Variants in AOC3 observed in about 807,000 individuals in gnomAD.
AOC3 encodes amine oxidase copper containing 3.
Under a neutral mutation model 55.4 loss-of-function variants are expected in AOC3, and 47 were observed. The ratio of observed to expected loss-of-function variants is 0.85; its 90% confidence interval spans 0.67 to 1.08. AOC3 has a LOEUF of 1.08. AOC3 is among the 50% of genes least tolerant of loss of function. The pLI, the probability that AOC3 is intolerant of heterozygous loss-of-function variation, is 0.00. For missense variants in AOC3, 853 were observed against 993.1 expected, an observed-to-expected ratio of 0.86 and a Z score of 1.90; for synonymous variants, 386 against 410.7, an observed-to-expected ratio of 0.94 and a Z score of 0.73.
At chr17:42,856,223 C>A in intron 3 of AOC3, 52 bp from the exon 4 acceptor site, 4 of 1,592,728 alleles carry the variant, frequency 2.5e-6, no homozygotes, top group Non-Finnish European at 3.4e-6. Context: ...CCTACCAGGG[C>A]ATGTCCTCAG....
chr17:42,856,225 T>C (rs747229140), intron 3 of AOC3, 50 bp from the exon 4 acceptor site: 48 of 1,595,266 alleles, frequency 3.0e-5, no homozygotes, highest in Middle Eastern at 1.7e-4. Flanking sequence ...TACCAGGGCA[T>C]GTCCTCAGCA....
In AOC3 at chr17:42,856,868, C is replaced by CT. The variant is rs1272449360; in HGVS notation, c.*323dup. 2.5e-6 allele frequency: 1 copy of CT among 399,120 alleles called. No individual in the cohort carries two copies. The highest frequency in any genetic ancestry group is 4.1e-5 in the Admixed American group (1 of 24,256). The allele number at this position is 399,120 out of a possible 1,614,324, so 24.7% of individuals were successfully genotyped here. On this transcript the variant is annotated 3_prime_UTR_variant, in exon 4 of 4. Coordinates refer to ENST00000308423, the MANE Select transcript of AOC3 (RefSeq NM_003734.4). ...TTGTTGCTGTCTGGCTTTCCCGAATCTTTTTAGGCCACCTCCAAGGACTCT... is the reference window on the plus strand; with the variant it reads ...TTGTTGCTGTCTGGCTTTCCCGAATCTTTTTTAGGCCACCTCCAAGGACTCT...
At position 42,852,773 on chromosome 17, in the gene AOC3, C is replaced by T. The variant is rs148703677; in HGVS notation, c.1430C>T (p.Thr477Met). 27 of 1,614,072 alleles carry T rather than the reference C, an allele frequency of 1.7e-5. No homozygotes were observed. Among genetic ancestry groups the T allele is most frequent in the African/African-American group, 1.3e-4 (10 of 75,044 alleles). Residue 477 changes from threonine to methionine, a missense_variant, in exon 1 of 4, where the codon ACG becomes ATG. Physicochemically the swap from Thr to Met is moderately conservative, Grantham distance 81. Transcript: ENST00000308423. ...TLLNYDYVWD[T>M]VFHPSGAIEI... ...CTCAACTATGACTATGTGTGGGATA[C>T]GGTCTTCCACCCCAGTGGGGCCATA...
In AOC3 at chr17:42,852,885, C is replaced by T. The variant is rs1276179196; in HGVS notation, c.1542C>T (p.His514=). The T allele has an allele frequency of 6.2e-7, 1 of 1,612,324 alleles. No homozygotes were observed. The highest frequency in any genetic ancestry group is 8.5e-7 in the Non-Finnish European group (1 of 1,178,516). The part of the protein sequence containing the change: ...TGKYGNQVSE[H]TLGTVHTHSA... ...AGTACGGGAACCAAGTGTCAGAGCA[C>T]ACCCTGGGCACGGTCCACACCCACA... Residue 514 remains histidine, a synonymous_variant, in exon 1 of 4, where the codon CAC becomes CAT. Transcript: ENST00000308423.
rs1209008204 is a variant in AOC3 at position 42,852,705 on chromosome 17, T to C, written c.1362T>C (p.Gly454=). 6.2e-7 allele frequency: 1 copy of C among 1,614,130 alleles called. No homozygotes were observed. Among genetic ancestry groups the C allele is most frequent in the Non-Finnish European group, 8.5e-7 (1 of 1,180,030 alleles). Residue 454 remains glycine (G), a synonymous_variant, in exon 1 of 4, where the codon GGT becomes GGC. Coordinates refer to ENST00000308423, the MANE Select transcript of AOC3 (RefSeq NM_003734.4). ...HSDLYSHYFG[G]LAETVLVVRS... is the part of the protein sequence containing the mutation. The stretch of plus-strand genomic sequence containing the variant: ...ATCTCTACTCGCACTACTTTGGGGG[T>C]CTTGCGGAAACGGTGCTGGTCGTCA...
At position 42,856,535 on chromosome 17, in the gene AOC3, C is replaced by T. The variant is rs1352149475; in HGVS notation, c.2277C>T (p.Gly759=). The T allele has an allele frequency of 1.2e-6, 2 of 1,601,324 alleles. No individual in the cohort carries two copies. The highest frequency in any genetic ancestry group is 1.7e-6 in the Non-Finnish European group (2 of 1,172,204). The change falls in exon 4 of 4, where the codon GGC becomes GGT. Residue 759 remains glycine (G), a synonymous_variant. Transcript: ENST00000308423. ...ACCTCCCTGCCTTCTCCCACGGGGGCTTCTCTCACAACTAGGCGGTCCTGG... is the reference window on the plus strand; with the variant it reads ...ACCTCCCTGCCTTCTCCCACGGGGGTTTCTCTCACAACTAGGCGGTCCTGG... The part of the protein sequence containing the change: ...APDLPAFSHG[G]FSHN
chr17:42,855,806 G>A (rs375096457), intron 3 of AOC3, among the ~76,000 whole-genome samples: 1 of 152,202 alleles, frequency 6.6e-6, no homozygotes, highest in East Asian at 1.9e-4. Context: ...CCAGTTTCAT[G>A]GACTGAGTCC....
In AOC3 at chr17:42,852,594, G is replaced by T. The variant is rs199958009; in HGVS notation, c.1251G>T (p.Leu417Phe). The part of the protein sequence containing the change: ...LATYVDWHFL[L>F]ESQAPKTIRD... ...CCTACGTGGACTGGCACTTCCTTTTGGAGTCCCAGGCCCCCAAGACAATAC... is the reference window on the plus strand; with the variant it reads ...CCTACGTGGACTGGCACTTCCTTTTTGAGTCCCAGGCCCCCAAGACAATAC... The change falls in exon 1 of 4, where the codon TTG (leucine) becomes TTT (phenylalanine). Residue 417 changes from leucine (L) to phenylalanine (F), a missense_variant. Leu to Phe is a conservative substitution (Grantham distance 22). Transcript: ENST00000308423. 15 of 1,613,986 alleles carry T rather than the reference G, an allele frequency of 9.3e-6. No homozygotes were observed. The highest frequency in any genetic ancestry group is 6.7e-5 in the East Asian group (3 of 44,876).
chr17:42,852,615 A>G lies in AOC3; in HGVS notation c.1272A>G (p.Thr424=), dbSNP rs145953403. Residue 424 remains threonine (T), a synonymous_variant, in exon 1 of 4, where the codon ACA becomes ACG. Coordinates refer to ENST00000308423, the MANE Select transcript of AOC3 (RefSeq NM_003734.4). Reference sequence around the variant, plus strand: ...TTTTGGAGTCCCAGGCCCCCAAGACAATACGTGATGCCTTTTGTGTGTTTG... The same window carrying G: ...TTTTGGAGTCCCAGGCCCCCAAGACGATACGTGATGCCTTTTGTGTGTTTG... ...HFLLESQAPK[T]IRDAFCVFEQ... is the part of the protein sequence containing the mutation. 8.1e-6 allele frequency: 13 copies of G among 1,614,212 alleles called. No individual in the cohort carries two copies. The highest frequency in any genetic ancestry group is 1.1e-5 in the Non-Finnish European group (13 of 1,180,038).
intron 2 of AOC3, 26 bp from the exon 3 acceptor site, chr17:42,855,418 T>C (rs1183235193): frequency 6.3e-7 from 1 of 1,589,462 alleles, no homozygotes; most frequent in Non-Finnish European, 8.6e-7. Context: ...TCAATGGCCA[T>C]GGAGGCCTGA....
At chr17:42,852,981 G>C in intron 1 of AOC3, 38 bp downstream of exon 1, 1 of 1,582,370 alleles carries the variant, frequency 6.3e-7, no homozygotes, top group Non-Finnish European at 8.6e-7. Flanking sequence ...TCTGGAAGAA[G>C]GGCTGAAAAG....
In AOC3 at chr17:42,851,654, C is replaced by A; in HGVS notation, c.311C>A (p.Pro104His). Residue 104 changes from proline (P) to histidine (H), a missense_variant, in exon 1 of 4, where the codon CCT becomes CAT. Physicochemically the swap from Pro to His is moderately conservative, Grantham distance 77. Transcript: ENST00000308423. ...GTCTTCTCAGTGGAGTTGCAGCTGC[C>A]TCCCAAGGCTGCAGCCCTGGCTCAC... The part of the protein sequence containing the change: ...NCVFSVELQL[P>H]PKAAALAHLD... 1.2e-6 allele frequency: 2 copies of A among 1,613,058 alleles called. No homozygotes were observed. Among genetic ancestry groups the A allele is most frequent in the South Asian group, 1.1e-5 (1 of 91,052 alleles).
In AOC3 at chr17:42,853,042, G is replaced by A. The variant is rs2055698614; in HGVS notation, c.1600+99G>A. The A allele has an allele frequency of 2.1e-5, 30 of 1,429,186 alleles. No individual in the cohort carries two copies. The South Asian group carries it at 3.1e-4, about 15-fold the overall frequency. The allele number at this position is 1,429,186 out of a possible 1,614,324, so 88.5% of individuals were successfully genotyped here. A position where few individuals can be genotyped will look rare whatever the true frequency, so the allele number is the denominator to read the frequency against. On this transcript the variant is annotated intron_variant, in intron 1 of 3. Transcript: ENST00000308423. The stretch of plus-strand genomic sequence containing the variant: ...TGTAGATTATCCCAGAAAGGAAGAC[G>A]TGGATTTTTGTACTTCCCCTTTTGC...
Position 42,852,217 on chromosome 17 carries a change from C to G in AOC3, c.874C>G (p.Pro292Ala). 1.2e-6 allele frequency: 2 copies of G among 1,613,480 alleles called. No individual in the cohort carries two copies. The highest frequency in any genetic ancestry group is 1.7e-6 in the Non-Finnish European group (2 of 1,179,734). The change falls in exon 1 of 4, where the codon CCA (proline) becomes GCA (alanine). Residue 292 changes from proline (P) to alanine (A), a missense_variant. Transcript: ENST00000308423. ...CGGCCTGGTGAATGTGGTGCTGATC[C>G]CAGACAATGGCACAGGTGGGTCCTG... is the stretch of plus-strand genomic sequence containing the variant. ...EAGLVNVVLI[P>A]DNGTGGSWSL...
rs2055686247 is a variant in AOC3 at position 42,852,499 on chromosome 17, G to C, written c.1156G>C (p.Asp386His). 2 of 1,614,222 alleles carry C rather than the reference G, an allele frequency of 1.2e-6. No individual in the cohort carries two copies. Among genetic ancestry groups the C allele is most frequent in the Admixed American group, 1.7e-5 (1 of 60,024 alleles). ...AGCAGCAATGACGACCCGCTATGTG[G>C]ATGGAGGCTTTGGCATGGGCAAGTA... ...SPAAMTTRYV[D>H]GGFGMGKYTT... The change falls in exon 1 of 4, where the codon GAT becomes CAT. Residue 386 changes from aspartate (D) to histidine (H), a missense_variant. Coordinates refer to ENST00000308423, the MANE Select transcript of AOC3 (RefSeq NM_003734.4).
intron 2 of AOC3, 75 bp downstream of exon 2, chr17:42,854,808 C>G: frequency 7.8e-7 from 1 of 1,288,936 alleles, no homozygotes; most frequent in South Asian, 2.1e-5. Flanking sequence ...TCAGCTCACA[C>G]TGTAGGTGAG....
chr17:42,851,230 GCCAGAGTCCGGGAGCCCCCCAC>G lies in AOC3; in HGVS notation c.-111_-90del. On this transcript the variant is annotated 5_prime_UTR_variant, in exon 1 of 4. Transcript: ENST00000308423. ...AGGCATCTGACTACCGGGAACCTCA[GCCAGAGTCCGGGAGCCCCCCAC>G]CCCGTCCAGGAGCCAACAGAGCCCC... 8.9e-7 allele frequency: 1 copy of G among 1,120,606 alleles called. No individual in the cohort carries two copies. The highest frequency in any genetic ancestry group is 1.2e-6 in the Non-Finnish European group (1 of 814,820). 69.4% of individuals were successfully genotyped at this position (1,120,606 alleles called of 1,614,324 possible). A position where few individuals can be genotyped will look rare whatever the true frequency, so the allele number is the denominator to read the frequency against.
chr17:42,851,609 C>T lies in AOC3; in HGVS notation c.266C>T (p.Ala89Val). The change falls in exon 1 of 4, where the codon GCC (alanine) becomes GTC (valine). Residue 89 changes from alanine to valine, a missense_variant. Transcript: ENST00000308423. The stretch of plus-strand genomic sequence containing the variant: ...CCAGGGCTGGTGGATGCAGCCCAGG[C>T]CCGGCCCTCGGACAACTGTGTCTTC... The part of the protein sequence containing the change: ...LGPGLVDAAQ[A>V]RPSDNCVFSV... 6.2e-7 allele frequency: 1 copy of T among 1,613,076 alleles called. No individual in the cohort carries two copies. Among genetic ancestry groups the T allele is most frequent in the Non-Finnish European group, 8.5e-7 (1 of 1,180,024 alleles).
intron 2 of AOC3, 82 bp downstream of exon 2, chr17:42,854,815 T>G: frequency 7.8e-7 from 1 of 1,283,680 alleles, no homozygotes; most frequent in South Asian, 2.3e-5. Context: ...ACACTGTAGG[T>G]GAGGGGAGAG....
Sources: allele counts gnomAD v4.1 joint callset (sites outside exome capture counted in the v4.1 genomes callset), GRCh38; gene constraint gnomAD v4.1.1; transcripts MANE v1.5; gene names NCBI Gene and HGNC (gene_info 2026-07-23, HGNC 2026-07-21).